TRPM3: variants seen among roughly 807,000 people sequenced by gnomAD.
TRPM3 encodes the protein long transient receptor potential channel 3.
Under a neutral mutation model 181.2 loss-of-function variants are expected in TRPM3, and 77 were observed. The observed-to-expected ratio is 0.42, with a 90% CI of 0.35 to 0.51. TRPM3 has a LOEUF of 0.51. TRPM3 is among the 20% of genes least tolerant of loss of function. The pLI, the probability that TRPM3 is intolerant of heterozygous loss-of-function variation, is 0.01. For missense variants in TRPM3, 1,759 were observed against 2,196.7 expected, an observed-to-expected ratio of 0.80 and a Z score of 3.98; for synonymous variants, 745 against 796.4, an observed-to-expected ratio of 0.94 and a Z score of 1.09.
chr9:70,560,687 A>G (rs946099401), intron 22 of TRPM3, among the ~76,000 whole-genome samples: 11 of 152,226 alleles, frequency 7.2e-5, no homozygotes, highest in African/African-American at 2.7e-4. Context: ...GAATCTCTCA[A>G]TTATGAACAA....
chr9:70,559,940 C>T (rs2048661840), intron 22 of TRPM3, among the ~76,000 whole-genome samples: 1 of 152,122 alleles, frequency 6.6e-6, no homozygotes. Flanking sequence ...GAGGACCCTG[C>T]CCCCTGTGTA....
At chr9:71,156,060 A>T (rs543209623) in intron 1 of TRPM3, among the ~76,000 whole-genome samples, 2 of 152,238 alleles carry the variant, frequency 1.3e-5, no homozygotes, top group African/African-American at 4.8e-5. Flanking sequence ...ATCCTGATGC[A>T]CAATGAAAGT....
chr9:71,087,402 C>G (rs887572968), intron 1 of TRPM3, among the ~76,000 whole-genome samples: 12 of 152,004 alleles, frequency 7.9e-5, no homozygotes, highest in Non-Finnish European at 1.8e-4. Flanking sequence ...CATTTTTTTC[C>G]TCTTGTTCTA....
intron 1 of TRPM3, among the ~76,000 whole-genome samples, chr9:71,295,838 CAAAAAA>C (rs11383819): frequency 1.7e-4 from 15 of 86,676 alleles, no homozygotes; most frequent in South Asian, 1.7e-3. Context: ...GATCCCGTCT[CAAAAAA>C]AAAAAAAAAA....
chr9:70,805,579 A>G (rs986048460), intron 6 of TRPM3, among the ~76,000 whole-genome samples: 10 of 151,364 alleles, frequency 6.6e-5, no homozygotes, highest in Non-Finnish European at 1.2e-4. Flanking sequence ...CTTTACCACA[A>G]ACCAGGTGGA....
At chr9:71,331,931 A>G (rs1266912032) in intron 1 of TRPM3, among the ~76,000 whole-genome samples, 3 of 109,040 alleles carry the variant, frequency 2.8e-5, no homozygotes, top group Admixed American at 9.4e-5. Flanking sequence ...AAGAGGAAGA[A>G]GGTGAAGGAG....
At chr9:70,746,906 T>G (rs1281398760) in intron 8 of TRPM3, among the ~76,000 whole-genome samples, 2 of 152,174 alleles carry the variant, frequency 1.3e-5, no homozygotes, top group Non-Finnish European at 2.9e-5. Context: ...TTCCCATGGG[T>G]TGCACAATTT....
At chr9:70,567,405 A>G (rs570356889) in intron 22 of TRPM3, among the ~76,000 whole-genome samples, 1 of 152,400 alleles carries the variant, frequency 6.6e-6, no homozygotes, top group South Asian at 2.1e-4. Flanking sequence ...CACAGCAAAG[A>G]TCAACTAAGT....
intron 6 of TRPM3, among the ~76,000 whole-genome samples, chr9:70,798,770 C>T (rs529143682): frequency 6.6e-6 from 1 of 152,296 alleles, no homozygotes; most frequent in South Asian, 2.1e-4. Context: ...TGTCATACCT[C>T]AACACTGTTG....
chr9:70,951,690 T>G (rs1343615652), intron 1 of TRPM3, among the ~76,000 whole-genome samples: 1 of 152,174 alleles, frequency 6.6e-6, no homozygotes. Flanking sequence ...GATGTAAGTA[T>G]TGTTGCTTAT....
intron 1 of TRPM3, among the ~76,000 whole-genome samples, chr9:70,946,732 GC>G (rs1016915196): frequency 6.6e-5 from 10 of 151,756 alleles, no homozygotes; most frequent in African/African-American, 2.4e-4. Context: ...GTCATGTAAT[GC>G]CCCCCACCTG....
intron 1 of TRPM3, among the ~76,000 whole-genome samples, chr9:71,272,604 G>A (rs1325093341): frequency 6.6e-6 from 1 of 151,962 alleles, no homozygotes; most frequent in Non-Finnish European, 1.5e-5. Flanking sequence ...ATATCCACTG[G>A]AACAGGCTCA....
At chr9:71,026,765 A>G (rs942900408) in intron 1 of TRPM3, among the ~76,000 whole-genome samples, 3 of 152,224 alleles carry the variant, frequency 2.0e-5, no homozygotes, top group African/African-American at 7.2e-5. Context: ...CACCACTGCC[A>G]GTGTGAATGT....
chr9:71,414,952 C>T (rs527404816), intron 1 of TRPM3, among the ~76,000 whole-genome samples: 20 of 152,056 alleles, frequency 1.3e-4, no homozygotes, highest in African/African-American at 4.6e-4. Flanking sequence ...GTTATAATCT[C>T]GAACCTGTAA....
chr9:71,265,002 A>T (rs1013790074), intron 1 of TRPM3, among the ~76,000 whole-genome samples: 2 of 152,218 alleles, frequency 1.3e-5, no homozygotes, highest in Non-Finnish European at 2.9e-5. Context: ...TAACAAAGAA[A>T]TGTATTTAAT....
intron 8 of TRPM3, among the ~76,000 whole-genome samples, chr9:70,745,232 C>T (rs992969439): frequency 9.9e-5 from 15 of 151,830 alleles, no homozygotes; most frequent in Non-Finnish European, 1.6e-4. Flanking sequence ...CTAAGACATA[C>T]GGAGGTTAAA....
chr9:71,440,520 G>A (rs1310939359), intron 1 of TRPM3, among the ~76,000 whole-genome samples: 2 of 152,152 alleles, frequency 1.3e-5, no homozygotes, highest in Non-Finnish European at 2.9e-5. Context: ...TGAGAAGCAG[G>A]CATAAATGTC....
At chr9:70,610,444 C>A (rs553606779) in intron 19 of TRPM3, among the ~76,000 whole-genome samples, 165 bp downstream of exon 19, 1 of 152,302 alleles carries the variant, frequency 6.6e-6, no homozygotes, top group African/African-American at 2.4e-5. Context: ...AGCTGCCTAA[C>A]AAACGCCACA....
rs75384424 is a variant in TRPM3 at position 71,104,677 on chromosome 9, A to T, written c.177+16501T>A. 2.6e-5 allele frequency among the ~76,000 whole-genome samples: 4 copies of T among 152,246 alleles called. No individual in the cohort carries two copies. The East Asian group carries it at 7.7e-4, about 29-fold the overall frequency. ...TTAATTTTCTTCCTCTCTTTGCTCA[A>T]CTTTACCCGTTAAGTTTTTTTTGCT... On this transcript the variant is annotated intron_variant, in intron 1 of 25. Coordinates refer to ENST00000677713, the MANE Select transcript of TRPM3 (RefSeq NM_001366145.2).
Sources: gnomAD v4.1 joint callset for allele counts (sites outside exome capture counted in the v4.1 genomes callset) on GRCh38, gnomAD v4.1.1 for gene constraint, MANE v1.5 for transcripts, NCBI Gene and HGNC (gene_info 2026-07-23, HGNC 2026-07-21) for gene names.